Variants in RARS2 observed in about 807,000 individuals in gnomAD.
The protein encoded by RARS2 is arginyl-tRNA synthetase 2, mitochondrial.
RARS2 carries 67 observed loss-of-function variants against 88.5 expected under a neutral mutation model. The observed-to-expected ratio is 0.76, with a 90% CI of 0.62 to 0.93. RARS2 has a LOEUF of 0.93. Among genes scored for constraint, RARS2 ranks in the 40% least tolerant of loss-of-function variants. The probability of loss-of-function intolerance (pLI) is 0.00; values close to 1 mark genes in which losing one functional copy is unlikely to be tolerated. For synonymous variants in RARS2, 239 were observed against 230.3 expected (o/e 1.04, Z -0.34); for missense variants, 664 against 684.2 (o/e 0.97, Z 0.33).
intron 5 of RARS2, among the ~76,000 whole-genome samples, chr6:87,553,250 G>T (rs569284598): frequency 6.6e-6 from 1 of 152,084 alleles, no homozygotes; most frequent in South Asian, 2.1e-4. Context: ...GAAGTAAAGA[G>T]CCATTTTTGA....
intron 10 of RARS2, among the ~76,000 whole-genome samples, chr6:87,528,063 TAAAA>T (rs55794237): frequency 7.8e-6 from 1 of 129,032 alleles, no homozygotes. Flanking sequence ...CCTGGGAACA[TAAAA>T]AAAAAAAAAA....
intron 5 of RARS2, among the ~76,000 whole-genome samples, chr6:87,554,500 C>T (rs1028702629): frequency 6.6e-6 from 1 of 152,104 alleles, no homozygotes; most frequent in African/African-American, 2.4e-5. Context: ...GTGTGTCTTA[C>T]CAGAGCTAGA....
intron 4 of RARS2, among the ~76,000 whole-genome samples, chr6:87,561,658 T>C (rs896718616): frequency 5.3e-5 from 8 of 152,356 alleles, no homozygotes; most frequent in East Asian, 1.9e-4. Context: ...CATTCAATAG[T>C]CTTTTTCTGA....
intron 1 of RARS2, among the ~76,000 whole-genome samples, chr6:87,575,838 T>TG (rs1413842517): frequency 6.6e-6 from 1 of 151,306 alleles, no homozygotes; most frequent in Non-Finnish European, 1.5e-5. Context: ...TTTTTTGAGA[T>TG]GGAGTTTCGC....
intron 7 of RARS2, 32 bp from the exon 8 acceptor site, chr6:87,542,026 A>T (rs1370753216): frequency 1.3e-6 from 2 of 1,538,600 alleles, no homozygotes; most frequent in Non-Finnish European, 1.8e-6. Context: ...GAAAAATTAT[A>T]AAGTTGAACA....
At chr6:87,543,836 A>C (rs1007321885) in intron 7 of RARS2, among the ~76,000 whole-genome samples, 2 of 152,176 alleles carry the variant, frequency 1.3e-5, no homozygotes, top group Non-Finnish European at 2.9e-5. Flanking sequence ...CTTTCAAGCA[A>C]GAGCAAATGT....
intron 17 of RARS2, 89 bp from the exon 18 acceptor site, chr6:87,516,969 A>T (rs1375898667): frequency 1.5e-5 from 24 of 1,564,052 alleles, no homozygotes; most frequent in Non-Finnish European, 2.1e-5. Flanking sequence ...TATAAGGTTG[A>T]CTCGACACGA....
intron 19 of RARS2, among the ~76,000 whole-genome samples, 177 bp downstream of exon 19, chr6:87,514,780 A>T (rs916903033): frequency 6.6e-6 from 1 of 152,230 alleles, no homozygotes; most frequent in African/African-American, 2.4e-5. Context: ...TGTGCTTTAT[A>T]GTCTAGTATG....
intron 4 of RARS2, among the ~76,000 whole-genome samples, chr6:87,559,210 G>GA (rs1437713578): frequency 4.0e-5 from 6 of 151,736 alleles, no homozygotes; most frequent in Non-Finnish European, 8.8e-5. Flanking sequence ...ATAAATAGAA[G>GA]AAAAAAGTTT....
intron 18 of RARS2, chr6:87,515,924 T>C (rs1372480627): frequency 7.0e-6 from 1 of 143,654 alleles, no homozygotes; most frequent in Non-Finnish European, 1.5e-5. Flanking sequence ...CGCTCCAGCC[T>C]GGACAACAGA....
chr6:87,516,670 T>C, intron 18 of RARS2, 136 bp downstream of exon 18: 1 of 1,259,380 alleles, frequency 7.9e-7, no homozygotes, highest in Non-Finnish European at 1.1e-6. Flanking sequence ...TGCTAATTTG[T>C]ATAGATGAAG....
chr6:87,537,422 T>G (rs1779537619), intron 8 of RARS2, among the ~76,000 whole-genome samples: 1 of 152,236 alleles, frequency 6.6e-6, no homozygotes, highest in Non-Finnish European at 1.5e-5. Context: ...TGTGGTTTCC[T>G]CTGCAGTAAA....
chr6:87,519,762 G>A, intron 13 of RARS2, 55 bp from the exon 14 acceptor site: 1 of 1,605,538 alleles, frequency 6.2e-7, no homozygotes, highest in Non-Finnish European at 8.5e-7. Flanking sequence ...GCTGCTGAAA[G>A]CATATAATAC....
intron 7 of RARS2, 46 bp downstream of exon 7, chr6:87,545,570 T>C (rs1782370674): frequency 1.2e-6 from 2 of 1,611,554 alleles, no homozygotes; most frequent in South Asian, 1.1e-5. Context: ...TTTTTACAAA[T>C]TGAATTTTAC....
intron 5 of RARS2, among the ~76,000 whole-genome samples, chr6:87,553,718 G>A (rs1451055204): frequency 2.0e-5 from 3 of 152,204 alleles, no homozygotes; most frequent in South Asian, 2.1e-4. Flanking sequence ...CTTAGGAGAT[G>A]GCCTTAGTGT....
intron 2 of RARS2, among the ~76,000 whole-genome samples, chr6:87,568,187 G>A (rs1768508830): frequency 6.6e-6 from 1 of 152,160 alleles, no homozygotes; most frequent in Admixed American, 6.6e-5. Context: ...AAAGACCTTT[G>A]ACACATTAAA....
chr6:87,586,726 T>C (rs772109011), intron 1 of RARS2, among the ~76,000 whole-genome samples: 2 of 152,138 alleles, frequency 1.3e-5, no homozygotes, highest in Non-Finnish European at 2.9e-5. Flanking sequence ...TCCTAAACTA[T>C]TATAGCAAAA....
At chr6:87,566,600 T>C (rs1767931865) in intron 2 of RARS2, among the ~76,000 whole-genome samples, 1 of 151,446 alleles carries the variant, frequency 6.6e-6, no homozygotes, top group South Asian at 2.1e-4. Flanking sequence ...GTAATTCTAG[T>C]GTGGGAGGCT....
rs143076225 is a variant in RARS2 at position 87,518,883 on chromosome 6, C to A, written c.1246G>T (p.Glu416Ter). The change falls in exon 15 of 20, where the codon GAA becomes TAA. Residue 416 changes from glutamate (E) to a stop codon, truncating the protein, a stop_gained. Transcript: ENST00000369536. LOFTEE classifies it high-confidence loss of function. Reference sequence around the variant, plus strand: ...GCAGTCTCTTGTGGGTTCTTGAGTTCTTTAGTTGCTGAAACAGACAAAGGC... The same window carrying A: ...GCAGTCTCTTGTGGGTTCTTGAGTTATTTAGTTGCTGAAACAGACAAAGGC... ...QNMASIKTTKELKNPQETAER... is the reference protein window; with the variant it reads ...QNMASIKTTK 2.5e-6 allele frequency: 4 copies of A among 1,613,910 alleles called. No individual in the cohort carries two copies. The highest frequency in any genetic ancestry group is 3.4e-6 in the Non-Finnish European group (4 of 1,179,946).
Sources: allele counts gnomAD v4.1 joint callset (sites outside exome capture counted in the v4.1 genomes callset), GRCh38; gene constraint gnomAD v4.1.1; transcripts MANE v1.5; gene names NCBI Gene and HGNC (gene_info 2026-07-23, HGNC 2026-07-21).